COX6B1: variants seen among roughly 807,000 people sequenced by gnomAD.
COX6B1 encodes the protein COX VIb-1.
Under a neutral mutation model 14.0 loss-of-function variants are expected in COX6B1, and 2 were observed. The observed-to-expected ratio is 0.14, with a 90% CI of 0.06 to 0.45. The LOEUF (loss-of-function observed/expected upper bound fraction) is 0.45, where lower values mean the gene tolerates loss of function less well. Among genes scored for constraint, COX6B1 ranks in the 20% least tolerant of loss-of-function variants. The probability of loss-of-function intolerance (pLI) is 0.98; values close to 1 mark genes in which losing one functional copy is unlikely to be tolerated. For synonymous variants in COX6B1, 30 were observed against 39.7 expected, an observed-to-expected ratio of 0.76 and a Z score of 0.92; for missense variants, 81 against 114.2, an observed-to-expected ratio of 0.71 and a Z score of 1.33.
intron 3 of COX6B1, among the ~76,000 whole-genome samples, chr19:35,655,918 C>T (rs968143479): frequency 6.6e-6 from 1 of 152,034 alleles, no homozygotes; most frequent in African/African-American, 2.4e-5. Flanking sequence ...AGTGCAGTAG[C>T]ATGATCTCAG....
rs75909363 is a variant in COX6B1 at position 35,657,343 on chromosome 19, G to A, written c.208-1251G>A. Among the ~76,000 whole-genome samples the A allele has an allele frequency of 6.6e-5, 10 of 152,036 alleles. No individual in the cohort carries two copies. The South Asian group carries it at 1.2e-3, about 19-fold the overall frequency. ...ACTCCTAAGAGAATCTAATGCTGCCGCTGATCTGACAGGAGGTGGAACTCA... is the reference window on the plus strand; with the variant it reads ...ACTCCTAAGAGAATCTAATGCTGCCACTGATCTGACAGGAGGTGGAACTCA... On this transcript the variant is annotated intron_variant, in intron 3 of 3. Transcript: ENST00000649813.
intron 1 of COX6B1, chr19:35,648,729 C>A: frequency 2.3e-6 from 1 of 438,092 alleles, no homozygotes; most frequent in Non-Finnish European, 4.7e-6. Context: ...AGGATTTGGC[C>A]CAGGAGTTTG....
intron 2 of COX6B1, among the ~76,000 whole-genome samples, chr19:35,654,260 C>T (rs1412307265): frequency 6.6e-6 from 1 of 152,276 alleles, no homozygotes; most frequent in African/African-American, 2.4e-5. Context: ...CAGTGGCTCA[C>T]GCCTGTAATC....
At chr19:35,651,744 T>C (rs923217461) in intron 2 of COX6B1, among the ~76,000 whole-genome samples, 1 of 152,118 alleles carries the variant, frequency 6.6e-6, no homozygotes, top group Non-Finnish European at 1.5e-5. Flanking sequence ...GCTAATTTTT[T>C]TGTAGAGAAG....
At chr19:35,651,059 G>A (rs1399241381) in intron 1 of COX6B1, among the ~76,000 whole-genome samples, 174 bp from the exon 2 acceptor site, 1 of 152,082 alleles carries the variant, frequency 6.6e-6, no homozygotes, top group Non-Finnish European at 1.5e-5. Flanking sequence ...CCGCGACCTC[G>A]ACACTCAGAT....
chr19:35,658,738 C>G lies in COX6B1; in HGVS notation c.*91C>G. On this transcript the variant is annotated 3_prime_UTR_variant, in exon 4 of 4. Coordinates refer to ENST00000649813, the MANE Select transcript of COX6B1 (RefSeq NM_001863.5). ...ACCCAGTGATCCCCACCCCAGGATC[C>G]TAAATCATGACTTACCTGCTAATAA... 8.4e-7 allele frequency: 1 copy of G among 1,184,278 alleles called. No homozygotes were observed. The highest frequency in any genetic ancestry group is 1.9e-4 in the Middle Eastern group (1 of 5,238). 73.4% of individuals were successfully genotyped at this position (1,184,278 alleles called of 1,614,324 possible). A position where few individuals can be genotyped will look rare whatever the true frequency, so the allele number is the denominator to read the frequency against.
chr19:35,648,879 A>G (rs1967790393), intron 1 of COX6B1: 1 of 533,268 alleles, frequency 1.9e-6, no homozygotes, highest in Non-Finnish European at 3.8e-6. Context: ...ATGCACCCTC[A>G]TCCTCAGATA....
At chr19:35,650,662 C>A (rs1020945069) in intron 1 of COX6B1, among the ~76,000 whole-genome samples, 3 of 150,954 alleles carry the variant, frequency 2.0e-5, no homozygotes, top group Non-Finnish European at 2.9e-5. Context: ...GAGCCTAGGT[C>A]GTACCAGTGA....
intron 2 of COX6B1, among the ~76,000 whole-genome samples, chr19:35,651,779 G>C (rs1967827112): frequency 6.6e-6 from 1 of 151,828 alleles, no homozygotes; most frequent in Admixed American, 6.6e-5. Flanking sequence ...TGCCCAGGCT[G>C]GTCTCAAACT....
intron 2 of COX6B1, among the ~76,000 whole-genome samples, chr19:35,652,721 C>T (rs1258540736): frequency 1.3e-5 from 2 of 152,000 alleles, no homozygotes; most frequent in Non-Finnish European, 2.9e-5. Flanking sequence ...GCTGGAATTA[C>T]AGGCGTGAGC....
At position 35,648,648 on chromosome 19, in the gene COX6B1, GCGATTATCCCCTT is replaced by G; in HGVS notation, c.-12+246_-12+258del. Reference sequence around the variant, plus strand: ...CCACCAGCCCTATGAGATAGGGCCTGCGATTATCCCCTTTTGTCAGTAAACAGGCTCAGAGATA... The same window carrying G: ...CCACCAGCCCTATGAGATAGGGCCTGTTGTCAGTAAACAGGCTCAGAGATA... On this transcript the variant is annotated intron_variant, in intron 1 of 3. Transcript: ENST00000649813. 1.4e-5 allele frequency: 5 copies of G among 356,020 alleles called. 1 individual carries two copies. Among genetic ancestry groups the G allele is most frequent in the South Asian group, 1.0e-4 (5 of 48,618 alleles). The allele number at this position is 356,020 out of a possible 1,614,324, so 22.1% of individuals were successfully genotyped here.
At chr19:35,653,799 A>G (rs923678530) in intron 2 of COX6B1, among the ~76,000 whole-genome samples, 3 of 151,186 alleles carry the variant, frequency 2.0e-5, no homozygotes, top group Admixed American at 2.0e-4. Flanking sequence ...CTATCTCCTG[A>G]CCTCGTGATC....
At chr19:35,656,183 G>A (rs920088043) in intron 3 of COX6B1, among the ~76,000 whole-genome samples, 1 of 152,030 alleles carries the variant, frequency 6.6e-6, no homozygotes, top group Non-Finnish European at 1.5e-5. Flanking sequence ...CCACATCTAG[G>A]GATGCTACAA....
intron 3 of COX6B1, among the ~76,000 whole-genome samples, chr19:35,656,527 C>G (rs1967891189): frequency 7.0e-6 from 1 of 142,306 alleles, no homozygotes; most frequent in African/African-American, 2.7e-5. Flanking sequence ...GTCTCCCAGG[C>G]TGGAGTGCAG....
chr19:35,649,456 G>A (rs992238813), intron 1 of COX6B1, among the ~76,000 whole-genome samples: 7 of 151,072 alleles, frequency 4.6e-5, no homozygotes, highest in African/African-American at 1.5e-4. Context: ...ACAGGCACGC[G>A]CCACCACACC....
At chr19:35,657,716 G>A (rs1000396605) in intron 3 of COX6B1, among the ~76,000 whole-genome samples, 1 of 147,290 alleles carries the variant, frequency 6.8e-6, no homozygotes, top group Non-Finnish European at 1.5e-5. Flanking sequence ...GTGTGCAGTG[G>A]TAGCATCATA....
intron 3 of COX6B1, among the ~76,000 whole-genome samples, chr19:35,655,438 T>C (rs1340450884): frequency 6.6e-6 from 1 of 152,154 alleles, no homozygotes; most frequent in Admixed American, 6.6e-5. Context: ...ATCTACCCCT[T>C]TTCGTTTTCT....
At position 35,658,767 on chromosome 19, in the gene COX6B1, C is replaced by T. The variant is rs1038119180; in HGVS notation, c.*120C>T. 4 of 935,608 alleles carry T rather than the reference C, an allele frequency of 4.3e-6. No homozygotes were observed. In the African/African-American group the frequency reaches 6.5e-5, roughly 15 times the overall value. The allele number at this position is 935,608 out of a possible 1,614,324, so 58.0% of individuals were successfully genotyped here. ...ATCATGACTTACCTGCTAATAAAAA[C>T]TCATTGGAAAAGTGAGACTATGCGT... On this transcript the variant is annotated 3_prime_UTR_variant, in exon 4 of 4. Transcript: ENST00000649813.
chr19:35,654,800 C>A, intron 3 of COX6B1, 129 bp downstream of exon 3: 1 of 750,752 alleles, frequency 1.3e-6, no homozygotes, highest in Non-Finnish European at 2.2e-6. Context: ...TCCCAGGACT[C>A]AGTGCCTTTC....
Sources: allele counts gnomAD v4.1 joint callset (sites outside exome capture counted in the v4.1 genomes callset), GRCh38; gene constraint gnomAD v4.1.1; transcripts MANE v1.5; gene names NCBI Gene and HGNC (gene_info 2026-07-23, HGNC 2026-07-21).